TAOK1: variants seen among roughly 807,000 people sequenced by gnomAD.
The protein encoded by TAOK1 is serine/threonine-protein kinase TAO1.
TAOK1 carries 21 observed loss-of-function variants against 138.3 expected under a neutral mutation model. The ratio of observed to expected loss-of-function variants is 0.15; its 90% CI spans 0.11 to 0.22. The LOEUF (loss-of-function observed/expected upper bound fraction) is 0.22, where lower values mean the gene tolerates loss of function less well. Among genes scored for constraint, TAOK1 ranks in the 10% least tolerant of loss-of-function variants. The pLI, the probability that TAOK1 is intolerant of heterozygous loss-of-function variation, is 1.00. For missense variants in TAOK1, 651 were observed against 1,227.7 expected, an observed-to-expected ratio of 0.53 and a Z score of 7.02; for synonymous variants, 361 against 398.4, an observed-to-expected ratio of 0.91 and a Z score of 1.12.
At chr17:29,515,981 A>G (rs1440227683) in intron 15 of TAOK1, among the ~76,000 whole-genome samples, 1 of 151,618 alleles carries the variant, frequency 6.6e-6, no homozygotes, top group East Asian at 1.9e-4. Context: ...TTTGAGACGG[A>G]GTTTTGCTCT....
chr17:29,399,597 G>A (rs1279207205), intron 1 of TAOK1, among the ~76,000 whole-genome samples: 1 of 152,240 alleles, frequency 6.6e-6, no homozygotes, highest in Non-Finnish European at 1.5e-5. Flanking sequence ...TTACAGGCGT[G>A]AGCCACTGCG....
intron 17 of TAOK1, among the ~76,000 whole-genome samples, chr17:29,529,957 G>A (rs1379722166): frequency 6.6e-6 from 1 of 151,694 alleles, no homozygotes; most frequent in Non-Finnish European, 1.5e-5. Flanking sequence ...AGCATAGGAG[G>A]TTGAGGCTAC....
intron 1 of TAOK1, among the ~76,000 whole-genome samples, chr17:29,392,960 A>T (rs1904475694): frequency 6.6e-6 from 1 of 152,124 alleles, no homozygotes; most frequent in Non-Finnish European, 1.5e-5. Flanking sequence ...CATGATTTTG[A>T]TGTAGGAGAC....
chr17:29,438,646 T>C (rs1220029098), intron 1 of TAOK1, among the ~76,000 whole-genome samples: 1 of 152,180 alleles, frequency 6.6e-6, no homozygotes, highest in African/African-American at 2.4e-5. Flanking sequence ...ATCGTGGCAC[T>C]GCATTTCAGC....
chr17:29,459,166 C>G (rs182584008), intron 2 of TAOK1, among the ~76,000 whole-genome samples: 38 of 152,304 alleles, frequency 2.5e-4, no homozygotes, highest in Non-Finnish European at 5.3e-4. Flanking sequence ...TCTGTCTCCT[C>G]AGCCTGGCTT....
intron 12 of TAOK1, among the ~76,000 whole-genome samples, chr17:29,502,118 T>C (rs190493282): frequency 2.5e-4 from 38 of 152,318 alleles, no homozygotes; most frequent in Admixed American, 1.1e-3. Context: ...TTATACCCTG[T>C]ACAAATAATT....
intron 2 of TAOK1, among the ~76,000 whole-genome samples, chr17:29,455,331 A>G (rs185916925): frequency 6.6e-6 from 1 of 150,766 alleles, no homozygotes; most frequent in Admixed American, 6.6e-5. Context: ...TTCATCTTGT[A>G]CCCTACAACT....
chr17:29,403,159 T>TCAA (rs1904898277), intron 1 of TAOK1, among the ~76,000 whole-genome samples: 1 of 21,860 alleles, frequency 4.6e-5, no homozygotes, highest in Non-Finnish European at 7.1e-5. Flanking sequence ...AGATTTTGTC[T>TCAA]CAAAAAAAAA....
intron 8 of TAOK1, among the ~76,000 whole-genome samples, chr17:29,488,304 C>G (rs2031214118): frequency 6.6e-6 from 1 of 152,172 alleles, no homozygotes; most frequent in African/African-American, 2.4e-5. Context: ...GGCGTAGTGG[C>G]TCACACCTGT....
chr17:29,478,121 A>T lies in TAOK1; in HGVS notation c.353-130A>T, dbSNP rs547191754. ...TGCATACAAGTTATAAAGTTTAATA[A>T]TCTTTATCATCTTGGAAAATAAATC... On this transcript the variant is annotated intron_variant, in intron 5 of 19. Transcript: ENST00000261716. 130 of 614,732 alleles carry T rather than the reference A, an allele frequency of 2.1e-4. No individual in the cohort carries two copies. The African/African-American group carries it at 2.3e-3, about 11-fold the overall frequency. The allele number at this position is 614,732 out of a possible 1,614,324, so 38.1% of individuals were successfully genotyped here.
chr17:29,537,735 G>T (rs1358579687), intron 19 of TAOK1, among the ~76,000 whole-genome samples: 1 of 151,652 alleles, frequency 6.6e-6, no homozygotes, highest in African/African-American at 2.4e-5. Context: ...AAAAGGAAAA[G>T]AAATCCAAAT....
intron 1 of TAOK1, among the ~76,000 whole-genome samples, chr17:29,434,335 A>G (rs562612221): frequency 8.5e-5 from 13 of 152,272 alleles, no homozygotes; most frequent in Middle Eastern, 3.4e-3. Flanking sequence ...GGAGAAAGGG[A>G]AAAAGCCTCC....
intron 3 of TAOK1, among the ~76,000 whole-genome samples, chr17:29,468,471 G>GT (rs2030736216): frequency 6.6e-6 from 1 of 151,454 alleles, no homozygotes; most frequent in Non-Finnish European, 1.5e-5. Context: ...AATATTCTCT[G>GT]TTTATCTTGG....
intron 14 of TAOK1, among the ~76,000 whole-genome samples, chr17:29,510,432 T>G (rs2031700990): frequency 6.6e-6 from 1 of 152,218 alleles, no homozygotes; most frequent in Non-Finnish European, 1.5e-5. Context: ...CCAAAATGTT[T>G]ACATTGGTTA....
chr17:29,537,760 A>C (rs1048621574), intron 19 of TAOK1, among the ~76,000 whole-genome samples: 26 of 152,312 alleles, frequency 1.7e-4, no homozygotes, highest in Non-Finnish European at 2.5e-4. Flanking sequence ...GGAAAAAAAA[A>C]CTGCATAAAT....
At chr17:29,397,683 ACATGTATATT>A (rs1904686106) in intron 1 of TAOK1, among the ~76,000 whole-genome samples, 1 of 138,680 alleles carries the variant, frequency 7.2e-6, no homozygotes, top group Non-Finnish European at 1.5e-5. Context: ...ATACATGTAT[ACATGTATATT>A]CATGTATGCA....
At chr17:29,456,426 T>C (rs1335293308) in intron 2 of TAOK1, among the ~76,000 whole-genome samples, 1 of 150,352 alleles carries the variant, frequency 6.7e-6, no homozygotes, top group African/African-American at 2.5e-5. Context: ...TTGGGAGGTT[T>C]TTGATTACAG....
rs1249282524 is a variant in TAOK1, at chr17:29,390,587, T to G, written c.-532T>G. The G allele has an allele frequency of 6.6e-6, 1 of 151,672 alleles. No individual in the cohort carries two copies. The highest frequency in any genetic ancestry group is 1.5e-5 in the Non-Finnish European group (1 of 68,028). The allele number at this position is 151,672 out of a possible 1,614,324, so 9.4% of individuals were successfully genotyped here. A position where few individuals can be genotyped will look rare whatever the true frequency, so the allele number is the denominator to read the frequency against. ...GGCCGGCCCGCGGCCTCTCTTCCCTTTGTGAGCGCCTCCTTACCAGGGGTG... is the reference window on the plus strand; with the variant it reads ...GGCCGGCCCGCGGCCTCTCTTCCCTGTGTGAGCGCCTCCTTACCAGGGGTG... On this transcript the variant is annotated 5_prime_UTR_variant, in exon 1 of 20. Coordinates refer to ENST00000261716, the MANE Select transcript of TAOK1 (RefSeq NM_020791.4).
chr17:29,434,395 T>A (rs1324733857), intron 1 of TAOK1, among the ~76,000 whole-genome samples: 1 of 151,978 alleles, frequency 6.6e-6, no homozygotes, highest in Non-Finnish European at 1.5e-5. Context: ...GGGTACAGAT[T>A]GAAGATGAAT....
Sources: allele counts gnomAD v4.1 joint callset (sites outside exome capture counted in the v4.1 genomes callset), GRCh38; gene constraint gnomAD v4.1.1; transcripts MANE v1.5; gene names NCBI Gene and HGNC (gene_info 2026-07-23, HGNC 2026-07-21).